KCNH5: variants seen among roughly 807,000 people sequenced by gnomAD.
KCNH5 encodes potassium voltage-gated channel subfamily H member 5, also known as voltage-gated delayed rectifier potassium channel KCNH5.
KCNH5 carries 46 observed loss-of-function variants against 96.1 expected under a neutral mutation model. That is an observed-to-expected ratio of 0.48 (90% CI 0.38 to 0.61). The LOEUF (loss-of-function observed/expected upper bound fraction) is 0.61, where lower values mean the gene tolerates loss of function less well. KCNH5 is among the 20% of genes least tolerant of loss of function. The probability of loss-of-function intolerance (pLI) is 0.00; values close to 1 mark genes in which losing one functional copy is unlikely to be tolerated. For synonymous variants in KCNH5, 439 were observed against 449.8 expected, an observed-to-expected ratio of 0.98 and a Z score of 0.30; for missense variants, 907 against 1,225.8, an observed-to-expected ratio of 0.74 and a Z score of 3.88.
chr14:62,785,220 A>C (rs546327388), intron 9 of KCNH5, among the ~76,000 whole-genome samples: 48 of 150,036 alleles, frequency 3.2e-4, no homozygotes, highest in Middle Eastern at 3.6e-3. Flanking sequence ...AAATTAATTA[A>C]TTTACCAGCC....
intron 7 of KCNH5, among the ~76,000 whole-genome samples, chr14:62,909,077 G>A (rs1357697778): frequency 5.9e-4 from 60 of 101,532 alleles, no homozygotes; most frequent in Non-Finnish European, 8.9e-4. Context: ...ACGGAATCTC[G>A]CTCTGTCGCC....
In KCNH5 at chr14:62,802,552, T is replaced by C; in HGVS notation, c.1599A>G (p.Arg533=). The change falls in exon 9 of 11, where the codon AGA becomes AGG. Residue 533 remains arginine (R), a synonymous_variant. Coordinates refer to ENST00000322893, the MANE Select transcript of KCNH5 (RefSeq NM_139318.5). The stretch of plus-strand genomic sequence containing the variant: ...GGTTTAGATGAACACAGATATCAGC[T>C]CTCATGTCCTTGGGACAGATGGAGA... ...KVLSICPKDM[R]ADICVHLNRK... 6.2e-7 allele frequency: 1 copy of C among 1,614,030 alleles called. No homozygotes were observed. The highest frequency in any genetic ancestry group is 8.5e-7 in the Non-Finnish European group (1 of 1,179,982).
intron 10 of KCNH5, 145 bp downstream of exon 10, chr14:62,779,583 A>C: frequency 1.7e-6 from 1 of 595,370 alleles, no homozygotes; most frequent in East Asian, 3.1e-5. Flanking sequence ...CAAAATATAA[A>C]TAAAGAGAAG....
chr14:62,832,627 G>A (rs895779775), intron 8 of KCNH5, among the ~76,000 whole-genome samples: 1 of 152,128 alleles, frequency 6.6e-6, no homozygotes, highest in African/African-American at 2.4e-5. Context: ...ACCCAGGAGT[G>A]GGATTGTTAG....
rs750973282 is a variant in KCNH5, at chr14:62,779,782, AG to A, written c.1964del (p.Ala655ValfsTer16). 1 of 1,613,996 alleles carries A rather than the reference AG, an allele frequency of 6.2e-7. No homozygotes were observed. On this transcript the variant is annotated frameshift_variant, in exon 10 of 11. Transcript: ENST00000322893. LOFTEE classifies it high-confidence loss of function. Reference protein sequence around the residue: ...ALLKVLDFYTAFANSFSRNLT... With the variant: ...ALLKVLDFYTXFANSFSRNLT... Reference sequence around the variant, plus strand: ...GATTCCTTGAGAAGGAGTTTGCAAAAGCTGTATAAAAGTCCAGGACTTTGAG... The same window carrying A: ...GATTCCTTGAGAAGGAGTTTGCAAAACTGTATAAAAGTCCAGGACTTTGAG...
intron 1 of KCNH5, among the ~76,000 whole-genome samples, chr14:63,023,668 T>C (rs1220962028): frequency 6.6e-6 from 1 of 152,160 alleles, no homozygotes; most frequent in Non-Finnish European, 1.5e-5. Flanking sequence ...TCTTCTCAAG[T>C]ACAGAAAGTT....
intron 4 of KCNH5, among the ~76,000 whole-genome samples, chr14:62,991,903 A>G: frequency 6.6e-6 from 1 of 152,158 alleles, no homozygotes; most frequent in East Asian, 1.9e-4. Flanking sequence ...TATAATGGTC[A>G]GGGCTTTTAG....
intron 7 of KCNH5, among the ~76,000 whole-genome samples, chr14:62,925,335 T>A (rs553842087): frequency 6.6e-6 from 1 of 152,164 alleles, no homozygotes; most frequent in East Asian, 1.9e-4. Flanking sequence ...TAAAACAAAC[T>A]AATGTATGGC....
intron 1 of KCNH5, among the ~76,000 whole-genome samples, chr14:63,027,097 C>T (rs1021701191): frequency 2.0e-5 from 3 of 151,752 alleles, no homozygotes; most frequent in African/African-American, 7.3e-5. Flanking sequence ...ATAAGTCAGA[C>T]ATAGAAAAAC....
intron 8 of KCNH5, among the ~76,000 whole-genome samples, chr14:62,837,829 T>C (rs1023167021): frequency 5.3e-5 from 8 of 152,170 alleles, no homozygotes; most frequent in African/African-American, 1.9e-4. Flanking sequence ...AACCAAATAA[T>C]AACTACCAGA....
At chr14:62,975,575 T>C (rs1779252783) in intron 6 of KCNH5, among the ~76,000 whole-genome samples, 2 of 152,096 alleles carry the variant, frequency 1.3e-5, no homozygotes, top group African/African-American at 4.8e-5. Context: ...ACAGAAGTCC[T>C]TGAATCAAAT....
chr14:62,954,631 G>C (rs192559593), intron 6 of KCNH5, among the ~76,000 whole-genome samples: 3 of 152,128 alleles, frequency 2.0e-5, no homozygotes, highest in African/African-American at 7.2e-5. Flanking sequence ...GTATGTCATT[G>C]AGTACAAAAG....
intron 7 of KCNH5, among the ~76,000 whole-genome samples, chr14:62,921,636 T>C (rs1889382905): frequency 1.3e-5 from 2 of 152,196 alleles, no homozygotes; most frequent in South Asian, 2.1e-4. Flanking sequence ...CCTCTGGACA[T>C]AGGAAGAACA....
rs370057677 is a variant in KCNH5 at position 62,978,963 on chromosome 14, ATTG to A, written c.942+1906_942+1908del. Among the ~76,000 whole-genome samples, 53 of 152,360 alleles carry A rather than the reference ATTG, an allele frequency of 3.5e-4. No homozygotes were observed. In the East Asian group the frequency reaches 6.4e-3, roughly 18 times the overall value. On this transcript the variant is annotated intron_variant, in intron 6 of 10. Coordinates refer to ENST00000322893, the MANE Select transcript of KCNH5 (RefSeq NM_139318.5). ...TCAGCATTTTTCCAGAATGTAGTAC[ATTG>A]TTAACTATAGTCACCATATTGTATA...
In KCNH5 at chr14:62,865,388, T is replaced by G. The variant is rs199562968; in HGVS notation, c.1370-15536A>C. 5.0e-4 allele frequency among the ~76,000 whole-genome samples: 69 copies of G among 136,762 alleles called. 2 individuals carry two copies. In the East Asian group the frequency reaches 0.013, roughly 26 times the overall value. 89.7% of individuals were successfully genotyped at this position (136,762 alleles called of 152,430 possible). A position where few individuals can be genotyped will look rare whatever the true frequency, so the allele number is the denominator to read the frequency against. ...CAGTTTTAGACAAGTTGGACTGGAG[T>G]GGGAAAGAGACTGAAGACAGGTAAA... On this transcript the variant is annotated intron_variant, in intron 7 of 10. Transcript: ENST00000322893.
intron 7 of KCNH5, among the ~76,000 whole-genome samples, chr14:62,940,327 G>GAA (rs200058751): frequency 6.2e-5 from 9 of 145,584 alleles, no homozygotes; most frequent in African/African-American, 2.3e-4. Context: ...CCCATTTACA[G>GAA]AAAAAAAAAA....
chr14:62,720,757 A>C (rs1207213671), intron 10 of KCNH5, among the ~76,000 whole-genome samples: 1 of 152,214 alleles, frequency 6.6e-6, no homozygotes, highest in African/African-American at 2.4e-5. Context: ...AACAACAACA[A>C]CACTCTTTTT....
chr14:62,899,845 A>AG (rs1041076265), intron 7 of KCNH5, among the ~76,000 whole-genome samples: 6 of 152,160 alleles, frequency 3.9e-5, no homozygotes, highest in Admixed American at 3.9e-4. Context: ...AAAAAAAAAA[A>AG]AAAATTGAAT....
chr14:62,785,539 C>T (rs143355841), intron 9 of KCNH5, among the ~76,000 whole-genome samples: 4 of 152,234 alleles, frequency 2.6e-5, no homozygotes, highest in African/African-American at 9.6e-5. Flanking sequence ...AGATAACTAA[C>T]CTCCCCTCAA....
Sources: gnomAD v4.1 joint callset for allele counts (sites outside exome capture counted in the v4.1 genomes callset) on GRCh38, gnomAD v4.1.1 for gene constraint, MANE v1.5 for transcripts, NCBI Gene and HGNC (gene_info 2026-07-23, HGNC 2026-07-21) for gene names.